The following PSMD6 variants were observed in gnomAD, a reference collection of about 807,000 sequenced individuals.
PSMD6 encodes 26S proteasome non-ATPase regulatory subunit 6.
A neutral mutation model predicts 44.9 loss-of-function variants in PSMD6; 7 were observed. The ratio of observed to expected loss-of-function variants is 0.16; its 90% CI spans 0.09 to 0.29. The LOEUF is 0.29. Ranked by LOEUF, PSMD6 falls within the 10% of genes least tolerant of loss-of-function variation. The pLI is 1.00. For missense variants in PSMD6, 420 were observed against 482.6 expected (o/e 0.87, Z 1.21); for synonymous variants, 184 against 172.7 (o/e 1.07, Z -0.51).
At position 64,010,555 on chromosome 3, in the gene PSMD6, G is replaced by A. The variant is rs2075919110; in HGVS notation, c.*113C>T. The A allele has an allele frequency of 1.4e-6, 1 of 716,262 alleles. No individual in the cohort carries two copies. The highest frequency in any genetic ancestry group is 2.3e-5 in the South Asian group (1 of 43,966). 44.4% of individuals were successfully genotyped at this position (716,262 alleles called of 1,614,324 possible). ...TGTTTAAGAAAAAAATAAATGGAAA[G>A]AAACAACAATGCAGTATTTATTTTA... is the stretch of plus-strand genomic sequence containing the variant. On this transcript the variant is annotated 3_prime_UTR_variant, in exon 8 of 8. Coordinates refer to ENST00000295901, the MANE Select transcript of PSMD6 (RefSeq NM_014814.3).
At chr3:64,012,497 G>C (rs1450846939) in intron 6 of PSMD6, 1 of 152,044 alleles carries the variant, frequency 6.6e-6, no homozygotes, top group Non-Finnish European at 1.5e-5. Context: ...CACTGCATAG[G>C]ACCATGTAAC....
chr3:64,023,342 G>C lies in PSMD6; in HGVS notation c.78C>G (p.Leu26=). ...CGTCTCCGCGGTGCTCGGGCAGGCT[G>C]AGCAGGAAGCGCAGCTGCGCGATAC... ...DLRIAQLRFL[L]SLPEHRGDAA... Residue 26 remains leucine (L), a synonymous_variant, in exon 1 of 8, where the codon CTC becomes CTG. Transcript: ENST00000295901. The C allele has an allele frequency of 1.2e-6, 2 of 1,609,190 alleles. No homozygotes were observed. The highest frequency in any genetic ancestry group is 1.7e-6 in the Non-Finnish European group (2 of 1,177,894).
chr3:64,010,663 T>A lies in PSMD6; in HGVS notation c.*5A>T, dbSNP rs763830203. 4 of 1,558,910 alleles carry A rather than the reference T, an allele frequency of 2.6e-6. No individual in the cohort carries two copies. In the Admixed American group the frequency reaches 7.0e-5, roughly 27 times the overall value. On this transcript the variant is annotated 3_prime_UTR_variant, in exon 8 of 8. Transcript: ENST00000295901. The stretch of plus-strand genomic sequence containing the variant: ...TAAAGCAAATCCTTTGTTAGTTACA[T>A]GGCTTTACATATTAATTACTCTGGA...
chr3:64,023,468 G>A lies in PSMD6; in HGVS notation c.-49C>T. On this transcript the variant is annotated 5_prime_UTR_variant, in exon 1 of 8. Transcript: ENST00000295901. ...ACAGGACACAACTTGGTTACGACCG[G>A]CTGCGGCAGCGGAAGCGGGAGGAGT... 4 of 1,508,672 alleles carry A rather than the reference G, an allele frequency of 2.7e-6. No individual in the cohort carries two copies. The highest frequency in any genetic ancestry group is 3.6e-6 in the Non-Finnish European group (4 of 1,120,842). The allele number at this position is 1,508,672 out of a possible 1,614,324, so 93.5% of individuals were successfully genotyped here. A position where few individuals can be genotyped will look rare whatever the true frequency, so the allele number is the denominator to read the frequency against.
chr3:64,011,906 A>G (rs2075962130), intron 6 of PSMD6: 1 of 152,306 alleles, frequency 6.6e-6, no homozygotes, highest in Non-Finnish European at 1.5e-5. Flanking sequence ...CCTTCCACTG[A>G]CTCATGAAAA....
chr3:64,019,144 G>A (rs530914441), intron 3 of PSMD6, 107 bp from the exon 4 acceptor site: 75 of 1,384,422 alleles, frequency 5.4e-5, no homozygotes, highest in Non-Finnish European at 7.1e-5. Context: ...AACTTGAACC[G>A]AAAGGAGATA....
At chr3:64,019,761 C>T (rs199693772) in intron 2 of PSMD6, 1 of 230,808 alleles carries the variant, frequency 4.3e-6, no homozygotes. Context: ...TGTTTTCTCT[C>T]ATAATCACAA....
intron 2 of PSMD6, among the ~76,000 whole-genome samples, 186 bp downstream of exon 2, chr3:64,022,132 A>G (rs2076142581): frequency 6.6e-6 from 1 of 152,240 alleles, no homozygotes; most frequent in Non-Finnish European, 1.5e-5. Flanking sequence ...TGTTTGGGGA[A>G]ATGACAAGGC....
chr3:64,023,359 G>T lies in PSMD6; in HGVS notation c.61C>A (p.Gln21Lys), dbSNP rs2076164615. Residue 21 changes from glutamine (Q) to lysine (K), a missense_variant, in exon 1 of 8, where the codon CAG becomes AAG. By Grantham distance (53) the Gln-to-Lys change is moderately conservative. This residue lies in a region of PSMD6 where 136 missense variants were observed against 124.2 expected (regional missense o/e 1.09). Coordinates refer to ENST00000295901, the MANE Select transcript of PSMD6 (RefSeq NM_014814.3). ...GGCAGGCTGAGCAGGAAGCGCAGCT[G>T]CGCGATACGCAAGTCGGGGTTCTTG... is the stretch of plus-strand genomic sequence containing the variant. Reference protein sequence around the residue: ...LPKNPDLRIAQLRFLLSLPEH... With the variant: ...LPKNPDLRIAKLRFLLSLPEH... The T allele has an allele frequency of 6.2e-7, 1 of 1,611,832 alleles. No individual in the cohort carries two copies. The highest frequency in any genetic ancestry group is 1.7e-4 in the Middle Eastern group (1 of 6,052).
At position 64,023,336 on chromosome 3, in the gene PSMD6, C is replaced by T. The variant is rs746290845; in HGVS notation, c.84G>A (p.Leu28=). The change falls in exon 1 of 8, where the codon CTG becomes CTA. Residue 28 remains leucine, a synonymous_variant. Coordinates refer to ENST00000295901, the MANE Select transcript of PSMD6 (RefSeq NM_014814.3). ...RIAQLRFLLS[L]PEHRGDAAVR... ...CGGCAGCGTCTCCGCGGTGCTCGGG[C>T]AGGCTGAGCAGGAAGCGCAGCTGCG... The T allele has an allele frequency of 5.0e-6, 8 of 1,605,800 alleles. No homozygotes were observed. The South Asian group carries it at 8.9e-5, about 18-fold the overall frequency.
chr3:64,023,534 C>CAT, upstream of PSMD6: 1 of 1,408,732 alleles, frequency 7.1e-7, no homozygotes, highest in Non-Finnish European at 9.3e-7. Context: ...GCTTCCGGTC[C>CAT]CGTCTCCGCC....
chr3:64,018,544 T>C, intron 5 of PSMD6, 55 bp downstream of exon 5: 4 of 1,322,718 alleles, frequency 3.0e-6, no homozygotes, highest in East Asian at 4.6e-5. Context: ...TATTTGCACA[T>C]AGGATCAGGA....
chr3:64,023,832 T>C (rs40610), upstream of PSMD6: 337,047 of 1,467,414 alleles, frequency 0.23, 40,228 homozygotes, highest in East Asian at 0.41. Flanking sequence ...TTACTCTCAT[T>C]CATCTTATTA....
intron 1 of PSMD6, 75 bp downstream of exon 1, chr3:64,023,200 A>G (rs1029061064): frequency 2.9e-5 from 43 of 1,470,774 alleles, no homozygotes; most frequent in East Asian, 2.6e-5. Flanking sequence ...TCCATCAAAA[A>G]AAGTCCCCGC....
At chr3:64,019,716 A>G (rs1035645397) in intron 2 of PSMD6, 2 of 346,794 alleles carry the variant, frequency 5.8e-6, no homozygotes, top group Non-Finnish European at 1.0e-5. Context: ...TATATTCACA[A>G]TTGTTAAGTA....
chr3:64,018,934 A>G lies in PSMD6; in HGVS notation c.601T>C (p.Phe201Leu). Reference sequence around the variant, plus strand: ...GTAAATGTTGAAACAGTGTCAAGGAAGAGTTCAGCTGCCTGTTTGAAATCA... The same window carrying G: ...GTAAATGTTGAAACAGTGTCAAGGAGGAGTTCAGCTGCCTGTTTGAAATCA... ...IRDFKQAAEL[F>L]LDTVSTFTSY... The change falls in exon 4 of 8, where the codon TTC becomes CTC. Residue 201 changes from phenylalanine to leucine, a missense_variant. By Grantham distance (22) the Phe-to-Leu change is conservative. Transcript: ENST00000295901. The G allele has an allele frequency of 1.9e-6, 3 of 1,605,942 alleles. No individual in the cohort carries two copies. The highest frequency in any genetic ancestry group is 2.2e-5 in the East Asian group (1 of 44,806).
At chr3:64,018,119 A>C (rs529487487) in intron 5 of PSMD6, among the ~76,000 whole-genome samples, 1 of 152,336 alleles carries the variant, frequency 6.6e-6, no homozygotes, top group East Asian at 1.9e-4. Flanking sequence ...CTATTTAGCT[A>C]TTGATACAGA....
chr3:64,023,498 G>GTTTTTT, upstream of PSMD6: 1 of 1,452,682 alleles, frequency 6.9e-7, no homozygotes, highest in South Asian at 1.4e-5. Context: ...AGGAGTCGGC[G>GTTTTTT]AATACGCCCG....
intron 6 of PSMD6, chr3:64,011,646 A>AG (rs1000193419): frequency 7.3e-6 from 1 of 136,856 alleles, no homozygotes; most frequent in Admixed American, 7.0e-5. Flanking sequence ...TAGAACATGA[A>AG]GGGAAAAAAA....
Sources: allele counts gnomAD v4.1 joint callset (sites outside exome capture counted in the v4.1 genomes callset), GRCh38; gene constraint gnomAD v4.1.1; regional missense constraint gnomAD v4.1.1; transcripts MANE v1.5; gene names NCBI Gene and HGNC (gene_info 2026-07-23, HGNC 2026-07-21).